Variants in TMEM132D observed in about 807,000 individuals in gnomAD.
TMEM132D encodes the protein transmembrane protein 132D.
In TMEM132D, 21 loss-of-function variants were observed where a neutral mutation model predicts 62.3. That is an observed-to-expected ratio of 0.34 (90% CI 0.24 to 0.49). The LOEUF (loss-of-function observed/expected upper bound fraction) is 0.49. Among genes scored for constraint, TMEM132D ranks in the 20% least tolerant of loss-of-function variants. The pLI, the probability that TMEM132D is intolerant of heterozygous loss-of-function variation, is 0.99. For missense variants in TMEM132D, 1,346 were observed against 1,402.8 expected, an observed-to-expected ratio of 0.96 and a Z score of 0.65; for synonymous variants, 621 against 575.6, an observed-to-expected ratio of 1.08 and a Z score of -1.13.
At chr12:129,117,887 T>G (rs1875942720) in intron 5 of TMEM132D, among the ~76,000 whole-genome samples, 1 of 152,230 alleles carries the variant, frequency 6.6e-6, no homozygotes. Context: ...CTATTTGTCA[T>G]AAAAATGGGG....
At chr12:129,264,460 A>G (rs781487551) in intron 4 of TMEM132D, among the ~76,000 whole-genome samples, 17 of 152,178 alleles carry the variant, frequency 1.1e-4, no homozygotes, top group Admixed American at 3.9e-4. Flanking sequence ...ACACTTCTAC[A>G]CTGCTGGTGG....
chr12:129,235,085 G>A (rs891845294), intron 4 of TMEM132D, among the ~76,000 whole-genome samples: 1 of 152,084 alleles, frequency 6.6e-6, no homozygotes, highest in African/African-American at 2.4e-5. Context: ...TATCTTTGAG[G>A]GCGGACTACT....
chr12:129,848,357 G>A (rs980950488), intron 1 of TMEM132D, among the ~76,000 whole-genome samples: 4 of 152,192 alleles, frequency 2.6e-5, no homozygotes, highest in African/African-American at 9.7e-5. Context: ...TTGGGACACA[G>A]AAGTGACAAT....
At chr12:129,427,698 G>C (rs1377121322) in intron 3 of TMEM132D, among the ~76,000 whole-genome samples, 1 of 151,460 alleles carries the variant, frequency 6.6e-6, no homozygotes, top group Non-Finnish European at 1.5e-5. Flanking sequence ...ATTCCTGGAA[G>C]AAAGAAAATC....
intron 3 of TMEM132D, among the ~76,000 whole-genome samples, chr12:129,434,362 G>C (rs1213957403): frequency 6.6e-6 from 1 of 152,182 alleles, no homozygotes; most frequent in African/African-American, 2.4e-5. Flanking sequence ...GAATGAACAT[G>C]GCCGAATGAA....
At chr12:129,321,983 C>T (rs1868733469) in intron 4 of TMEM132D, among the ~76,000 whole-genome samples, 1 of 152,008 alleles carries the variant, frequency 6.6e-6, no homozygotes, top group Non-Finnish European at 1.5e-5. Context: ...AGTATAGTTC[C>T]ATGCTTAAAT....
At chr12:129,882,175 CCAGA>C (rs1175502701) in intron 1 of TMEM132D, among the ~76,000 whole-genome samples, 1 of 151,962 alleles carries the variant, frequency 6.6e-6, no homozygotes, top group Non-Finnish European at 1.5e-5. Flanking sequence ...GATGGTTTCA[CCAGA>C]CAATGTAAAC....
At chr12:129,165,110 G>A (rs987050753) in intron 5 of TMEM132D, among the ~76,000 whole-genome samples, 17 of 152,216 alleles carry the variant, frequency 1.1e-4, no homozygotes, top group African/African-American at 3.4e-4. Context: ...AATGGAAGAA[G>A]CCCTCCATAT....
intron 3 of TMEM132D, among the ~76,000 whole-genome samples, chr12:129,350,057 C>T (rs917306192): frequency 1.9e-4 from 29 of 152,298 alleles, no homozygotes; most frequent in Admixed American, 6.5e-4. Flanking sequence ...AGCCTTATTA[C>T]GGGTTCGAGT....
intron 4 of TMEM132D, among the ~76,000 whole-genome samples, chr12:129,266,775 T>A (rs565103482): frequency 6.6e-6 from 1 of 152,136 alleles, no homozygotes; most frequent in South Asian, 2.1e-4. Context: ...TTGCCCAACA[T>A]TAAGATTGAC....
At chr12:129,814,874 C>A (rs1044868239) in intron 1 of TMEM132D, among the ~76,000 whole-genome samples, 1 of 152,132 alleles carries the variant, frequency 6.6e-6, no homozygotes, top group Non-Finnish European at 1.5e-5. Flanking sequence ...ACCTTCTTAT[C>A]CTTCATGATT....
At chr12:129,634,809 T>C (rs1879437390) in intron 2 of TMEM132D, among the ~76,000 whole-genome samples, 2 of 152,212 alleles carry the variant, frequency 1.3e-5, no homozygotes, top group African/African-American at 2.4e-5. Flanking sequence ...TTTGCCTCTT[T>C]TAAAATTTGC....
In TMEM132D at chr12:129,805,259, G is replaced by C. The variant is rs536594252; in HGVS notation, c.79+98002C>G. On this transcript the variant is annotated intron_variant, in intron 1 of 8. Transcript: ENST00000422113. ...GTCAATCCTAAGCCAAAAGAACAAA[G>C]CTGGAGCCATCATGCTACCTGACTT... Among the ~76,000 whole-genome samples, 3 of 152,158 alleles carry C rather than the reference G, an allele frequency of 2.0e-5. No individual in the cohort carries two copies. The East Asian group carries it at 5.8e-4, about 29-fold the overall frequency.
At chr12:129,077,323 G>A (rs891908520) in intron 8 of TMEM132D, among the ~76,000 whole-genome samples, 2 of 151,994 alleles carry the variant, frequency 1.3e-5, no homozygotes, top group African/African-American at 4.8e-5. Flanking sequence ...CATATGGGCC[G>A]GAGGGATTCC....
At chr12:129,776,004 A>G (rs954175021) in intron 1 of TMEM132D, among the ~76,000 whole-genome samples, 6 of 152,074 alleles carry the variant, frequency 3.9e-5, no homozygotes, top group Non-Finnish European at 8.8e-5. Flanking sequence ...TGTCTCGGTG[A>G]AAAAACAAGA....
At chr12:129,823,583 C>T (rs1872589518) in intron 1 of TMEM132D, among the ~76,000 whole-genome samples, 1 of 152,208 alleles carries the variant, frequency 6.6e-6, no homozygotes, top group African/African-American at 2.4e-5. Flanking sequence ...GGCCTTTCAG[C>T]CATGATGCTC....
intron 5 of TMEM132D, chr12:129,110,574 C>G (rs1875660864): frequency 6.6e-6 from 1 of 152,164 alleles, no homozygotes; most frequent in African/African-American, 2.4e-5. Context: ...TAACACACTG[C>G]CCCAGAAGCA....
intron 1 of TMEM132D, among the ~76,000 whole-genome samples, chr12:129,768,932 A>G (rs1203146502): frequency 1.3e-5 from 2 of 152,182 alleles, no homozygotes; most frequent in South Asian, 2.1e-4. Context: ...TTCAGTTCTA[A>G]AGGTACCAGC....
chr12:129,181,729 G>A (rs895491087), intron 5 of TMEM132D, among the ~76,000 whole-genome samples: 1 of 152,032 alleles, frequency 6.6e-6, no homozygotes, highest in Non-Finnish European at 1.5e-5. Context: ...TGCCTTTGTT[G>A]GAAGAGACCC....
Sources: gnomAD v4.1 joint callset for allele counts (sites outside exome capture counted in the v4.1 genomes callset) on GRCh38, gnomAD v4.1.1 for gene constraint, MANE v1.5 for transcripts, NCBI Gene and HGNC (gene_info 2026-07-23, HGNC 2026-07-21) for gene names.